The following RASSF8 variants were observed in gnomAD, a reference collection of about 807,000 sequenced individuals.
The protein encoded by RASSF8 is ras association domain-containing protein 8.
A neutral mutation model predicts 48.5 loss-of-function variants in RASSF8; 22 were observed. The observed-to-expected ratio is 0.45, with a 90% CI of 0.32 to 0.65. The LOEUF (loss-of-function observed/expected upper bound fraction) is 0.65, where lower values mean the gene tolerates loss of function less well. Among genes scored for constraint, RASSF8 ranks in the 30% least tolerant of loss-of-function variants. RASSF8 has a pLI of 0.03. For synonymous variants in RASSF8, 127 were observed against 171.5 expected (o/e 0.74, Z 2.03); for missense variants, 418 against 489.2 (o/e 0.85, Z 1.37).
chr12:25,963,173 C>T (rs1253275966), intron 1 of RASSF8, among the ~76,000 whole-genome samples: 1 of 151,850 alleles, frequency 6.6e-6, no homozygotes, highest in Non-Finnish European at 1.5e-5. Flanking sequence ...CAGTGCTGTC[C>T]AGCTGTTGAT....
chr12:25,997,151 A>G (rs1942152357), intron 2 of RASSF8, among the ~76,000 whole-genome samples: 1 of 152,182 alleles, frequency 6.6e-6, no homozygotes, highest in Non-Finnish European at 1.5e-5. Context: ...GAAAGTTTAA[A>G]GCCCATATTT....
chr12:25,974,440 G>C (rs751663018), intron 1 of RASSF8, among the ~76,000 whole-genome samples: 1 of 151,388 alleles, frequency 6.6e-6, no homozygotes, highest in Non-Finnish European at 1.5e-5. Flanking sequence ...GGATGGCTAG[G>C]TTTTTTGTTT....
At chr12:25,990,777 A>G (rs1476557863) in intron 1 of RASSF8, among the ~76,000 whole-genome samples, 1 of 152,232 alleles carries the variant, frequency 6.6e-6, no homozygotes, top group East Asian at 1.9e-4. Flanking sequence ...ATTCTGTAGT[A>G]TTTATAGTTT....
intron 2 of RASSF8, among the ~76,000 whole-genome samples, chr12:25,999,300 C>A (rs979948449): frequency 3.3e-5 from 5 of 152,130 alleles, no homozygotes; most frequent in Admixed American, 6.6e-5. Context: ...ATATTGATAA[C>A]AATGACTAAT....
intron 3 of RASSF8, among the ~76,000 whole-genome samples, chr12:26,060,731 CATTAAAATATT>C (rs1943724248): frequency 6.6e-6 from 1 of 152,140 alleles, no homozygotes; most frequent in Non-Finnish European, 1.5e-5. Context: ...ACAAAATTTT[CATTAAAATATT>C]TATAGCTCAA....
chr12:26,029,513 A>G (rs1942984426), intron 2 of RASSF8, among the ~76,000 whole-genome samples: 1 of 152,164 alleles, frequency 6.6e-6, no homozygotes, highest in African/African-American at 2.4e-5. Flanking sequence ...ACTTTTTATA[A>G]TGTACTATAT....
At chr12:26,018,285 G>A (rs1238091277) in intron 2 of RASSF8, among the ~76,000 whole-genome samples, 1 of 152,070 alleles carries the variant, frequency 6.6e-6, no homozygotes, top group East Asian at 1.9e-4. Context: ...CAAATTTGGA[G>A]CTGCCTATGA....
chr12:26,023,574 A>T (rs1388557193), intron 2 of RASSF8, among the ~76,000 whole-genome samples: 1 of 152,200 alleles, frequency 6.6e-6, no homozygotes, highest in Non-Finnish European at 1.5e-5. Flanking sequence ...ATTTGTTGTT[A>T]ACAGATCCAT....
At chr12:26,003,886 G>A (rs905741067) in intron 2 of RASSF8, among the ~76,000 whole-genome samples, 2 of 152,066 alleles carry the variant, frequency 1.3e-5, no homozygotes, top group African/African-American at 4.8e-5. Flanking sequence ...AAGGATAAAT[G>A]TATCAAGGGG....
chr12:26,052,855 TGAC>T (rs1473725826), intron 2 of RASSF8: 1 of 152,220 alleles, frequency 6.6e-6, no homozygotes, highest in Non-Finnish European at 1.5e-5. Flanking sequence ...GTTGAATTAA[TGAC>T]TCAATATATG....
chr12:26,005,709 A>G (rs1942375052), intron 2 of RASSF8, among the ~76,000 whole-genome samples: 1 of 152,216 alleles, frequency 6.6e-6, no homozygotes. Context: ...GGTTCATATC[A>G]GATGGGAAAA....
intron 2 of RASSF8, among the ~76,000 whole-genome samples, chr12:26,001,932 A>T (rs1189561046): frequency 6.6e-6 from 1 of 152,234 alleles, no homozygotes; most frequent in Non-Finnish European, 1.5e-5. Flanking sequence ...CTGGCAGTGC[A>T]GTGAGTTTGC....
chr12:26,043,315 T>C (rs1591794167), intron 2 of RASSF8, among the ~76,000 whole-genome samples: 2 of 152,232 alleles, frequency 1.3e-5, no homozygotes, highest in Middle Eastern at 6.8e-3. Flanking sequence ...AGCTCAGAGA[T>C]GCTTGGGAGA....
chr12:26,026,074 ATAG>A (rs1242124652), intron 2 of RASSF8, among the ~76,000 whole-genome samples: 1 of 152,196 alleles, frequency 6.6e-6, no homozygotes, highest in African/African-American at 2.4e-5. Flanking sequence ...CCTGAATTAA[ATAG>A]TAGTTGCTTA....
At chr12:26,033,179 A>T (rs1313360798) in intron 2 of RASSF8, among the ~76,000 whole-genome samples, 1 of 152,214 alleles carries the variant, frequency 6.6e-6, no homozygotes, top group Admixed American at 6.5e-5. Context: ...ACCAGAGGGG[A>T]TCAAGTTGAT....
chr12:26,026,125 T>C (rs994051020), intron 2 of RASSF8, among the ~76,000 whole-genome samples: 2 of 152,138 alleles, frequency 1.3e-5, no homozygotes, highest in Admixed American at 6.5e-5. Context: ...AAAGAAAAGA[T>C]AGGTAAACAG....
intron 2 of RASSF8, among the ~76,000 whole-genome samples, chr12:26,017,740 T>G (rs1428154678): frequency 6.6e-6 from 1 of 152,258 alleles, no homozygotes; most frequent in Non-Finnish European, 1.5e-5. Flanking sequence ...GAAGCCCCCA[T>G]GCCACAGGAG....
At chr12:26,025,770 C>T (rs1265991286) in intron 2 of RASSF8, among the ~76,000 whole-genome samples, 1 of 151,722 alleles carries the variant, frequency 6.6e-6, no homozygotes, top group Non-Finnish European at 1.5e-5. Context: ...AAATGAAATT[C>T]AGAAAATATT....
intron 1 of RASSF8, among the ~76,000 whole-genome samples, chr12:25,976,898 GT>G (rs1004810282): frequency 2.6e-5 from 4 of 152,130 alleles, no homozygotes; most frequent in African/African-American, 9.7e-5. Context: ...GGACCTCCTG[GT>G]TTTGCACGAA....
Sources: allele counts gnomAD v4.1 joint callset (sites outside exome capture counted in the v4.1 genomes callset), GRCh38; gene constraint gnomAD v4.1.1; transcripts MANE v1.5; gene names NCBI Gene and HGNC (gene_info 2026-07-23, HGNC 2026-07-21).